Variants in RORA observed in about 807,000 individuals in gnomAD.
RORA encodes nuclear receptor ROR-alpha.
Under a neutral mutation model 69.5 loss-of-function variants are expected in RORA, and 7 were observed. The ratio of observed to expected loss-of-function variants is 0.10; its 90% CI spans 0.06 to 0.19. The LOEUF is 0.19. RORA is among the 10% of genes least tolerant of loss of function. RORA has a pLI of 1.00. For missense variants in RORA, 457 were observed against 663.0 expected, an observed-to-expected ratio of 0.69 and a Z score of 3.41; for synonymous variants, 261 against 240.8, an observed-to-expected ratio of 1.08 and a Z score of -0.78.
At chr15:60,602,526 T>C (rs944325342) in intron 2 of RORA, among the ~76,000 whole-genome samples, 2 of 152,234 alleles carry the variant, frequency 1.3e-5, no homozygotes, top group Admixed American at 6.5e-5. Flanking sequence ...CCTGTCACCA[T>C]GTTAGATTTA....
intron 1 of RORA, among the ~76,000 whole-genome samples, chr15:60,986,077 T>A (rs956971108): frequency 6.6e-6 from 1 of 152,114 alleles, no homozygotes; most frequent in Non-Finnish European, 1.5e-5. Flanking sequence ...CATAAGTAGG[T>A]GGGACTAGAA....
intron 1 of RORA, among the ~76,000 whole-genome samples, chr15:61,070,866 A>G (rs2083498468): frequency 6.6e-6 from 1 of 152,154 alleles, no homozygotes; most frequent in African/African-American, 2.4e-5. Flanking sequence ...GCCCAAAAGC[A>G]TGCAAAATAT....
At chr15:61,141,786 A>G (rs1840702141) in intron 1 of RORA, among the ~76,000 whole-genome samples, 1 of 152,196 alleles carries the variant, frequency 6.6e-6, no homozygotes, top group Non-Finnish European at 1.5e-5. Context: ...AATATCCTCA[A>G]ATCGCCCTGC....
At chr15:61,043,347 T>G (rs1896873991) in intron 1 of RORA, among the ~76,000 whole-genome samples, 1 of 152,096 alleles carries the variant, frequency 6.6e-6, no homozygotes, top group Admixed American at 6.5e-5. Flanking sequence ...ACTCCTCATC[T>G]CACAGATGAG....
intron 1 of RORA, among the ~76,000 whole-genome samples, chr15:60,800,854 C>T (rs987208840): frequency 6.6e-6 from 1 of 152,192 alleles, no homozygotes; most frequent in Non-Finnish European, 1.5e-5. Context: ...CCAGCATTTA[C>T]TATGTTGGGC....
At chr15:61,146,595 T>A (rs942600745) in intron 1 of RORA, among the ~76,000 whole-genome samples, 1 of 152,206 alleles carries the variant, frequency 6.6e-6, no homozygotes, top group South Asian at 2.1e-4. Context: ...CACTAGATAA[T>A]GCACTCTGCT....
At chr15:60,635,565 C>T (rs2069819536) in intron 2 of RORA, among the ~76,000 whole-genome samples, 1 of 152,100 alleles carries the variant, frequency 6.6e-6, no homozygotes, top group Non-Finnish European at 1.5e-5. Context: ...CTGCATTTGA[C>T]TCTATTGATT....
At chr15:60,827,718 G>A (rs575250739) in intron 1 of RORA, among the ~76,000 whole-genome samples, 7 of 152,286 alleles carry the variant, frequency 4.6e-5, no homozygotes, top group African/African-American at 1.4e-4. Flanking sequence ...TGCCTGTGCG[G>A]GTCCCTGGGA....
intron 1 of RORA, among the ~76,000 whole-genome samples, chr15:61,096,951 T>C (rs192472397): frequency 2.0e-5 from 3 of 152,306 alleles, no homozygotes; most frequent in East Asian, 1.9e-4. Flanking sequence ...GCATCGCCCA[T>C]GTAGAAGGCA....
intron 1 of RORA, among the ~76,000 whole-genome samples, chr15:60,903,187 G>A (rs12904857): frequency 0.046 from 7,022 of 152,216 alleles, 227 homozygotes; most frequent in East Asian, 0.1. Context: ...GTTTTGGAAG[G>A]TTCCAGGAGA....
chr15:61,096,912 GT>G (rs1223575929), intron 1 of RORA, among the ~76,000 whole-genome samples: 1 of 152,168 alleles, frequency 6.6e-6, no homozygotes, highest in Non-Finnish European at 1.5e-5. Context: ...ACAGATTTGA[GT>G]TATTTCAAAT....
chr15:61,024,599 C>T (rs542086318), intron 1 of RORA, among the ~76,000 whole-genome samples: 5 of 151,744 alleles, frequency 3.3e-5, no homozygotes, highest in East Asian at 1.9e-4. Flanking sequence ...CACAGGCATG[C>T]ACCACCACGC....
intron 3 of RORA, chr15:60,528,417 C>T (rs1448738704): frequency 6.7e-6 from 1 of 150,320 alleles, no homozygotes; most frequent in African/African-American, 2.5e-5. Context: ...TATATTAGTT[C>T]TTGCATTGCT....
rs73422416 is a variant in RORA at position 61,019,965 on chromosome 15, G to C, written c.166+209088C>G. Reference sequence around the variant, plus strand: ...CTCTGACCTCCGCTCTTCTCTCTCTGTATCCTTCACCACCACCCTTCAGCA... The same window carrying C: ...CTCTGACCTCCGCTCTTCTCTCTCTCTATCCTTCACCACCACCCTTCAGCA... On this transcript the variant is annotated intron_variant, in intron 1 of 10. Transcript: ENST00000335670. 4.2e-3 allele frequency among the ~76,000 whole-genome samples: 646 copies of C among 152,258 alleles called. 6 individuals carry two copies. Among genetic ancestry groups the C allele is most frequent in the African/African-American group, 0.014 (587 of 41,550 alleles).
intron 1 of RORA, among the ~76,000 whole-genome samples, chr15:61,099,412 G>C (rs923681655): frequency 5.3e-5 from 8 of 152,126 alleles, no homozygotes; most frequent in Non-Finnish European, 1.2e-4. Context: ...CCCCAGTGAG[G>C]GAAGGGAAAC....
At chr15:60,985,734 G>A (rs180855543) in intron 1 of RORA, among the ~76,000 whole-genome samples, 96 of 151,012 alleles carry the variant, frequency 6.4e-4, no homozygotes, top group African/African-American at 1.7e-3. Context: ...ACAGGTGCGC[G>A]CCACCATGCC....
chr15:61,219,580 T>C (rs1164722663), intron 1 of RORA, among the ~76,000 whole-genome samples: 1 of 142,864 alleles, frequency 7.0e-6, no homozygotes, highest in East Asian at 2.0e-4. Flanking sequence ...GTCTCAAAAT[T>C]TAAAAAAAAA....
intron 1 of RORA, among the ~76,000 whole-genome samples, chr15:61,134,957 T>G (rs1055182924): frequency 6.6e-6 from 1 of 151,970 alleles, no homozygotes; most frequent in Non-Finnish European, 1.5e-5. Flanking sequence ...GCCACTTCCA[T>G]GCCACTATCC....
At chr15:61,112,728 A>G (rs915864604) in intron 1 of RORA, among the ~76,000 whole-genome samples, 3 of 152,212 alleles carry the variant, frequency 2.0e-5, no homozygotes, top group African/African-American at 7.2e-5. Flanking sequence ...CTGCAGGGAC[A>G]CTGATTTGTG....
Sources: allele counts gnomAD v4.1 joint callset (sites outside exome capture counted in the v4.1 genomes callset), GRCh38; gene constraint gnomAD v4.1.1; transcripts MANE v1.5; gene names NCBI Gene and HGNC (gene_info 2026-07-23, HGNC 2026-07-21).